EDARADD: variants seen among roughly 807,000 people sequenced by gnomAD.
EDARADD encodes EDAR associated via death domain, also known as ectodysplasin-A receptor-associated adapter protein.
Under a neutral mutation model 25.6 loss-of-function variants are expected in EDARADD, and 20 were observed. The ratio of observed to expected loss-of-function variants is 0.78; its 90% confidence interval spans 0.55 to 1.14. EDARADD has a LOEUF of 1.14. Among genes scored for constraint, EDARADD ranks in the 50% most tolerant of loss-of-function variants. The pLI is 0.00. For synonymous variants in EDARADD, 86 were observed against 94.4 expected, an observed-to-expected ratio of 0.91 and a Z score of 0.52; for missense variants, 225 against 270.1, an observed-to-expected ratio of 0.83 and a Z score of 1.17.
chr1:236,482,431 A>G lies in EDARADD; in HGVS notation c.430A>G (p.Ser144Gly). 6.2e-7 allele frequency: 1 copy of G among 1,614,214 alleles called. No individual in the cohort carries two copies. The highest frequency in any genetic ancestry group is 8.5e-7 in the Non-Finnish European group (1 of 1,180,042). Residue 144 changes from serine (S) to glycine (G), a missense_variant, in exon 6 of 6, where the codon AGC becomes GGC. Coordinates refer to ENST00000334232, the MANE Select transcript of EDARADD (RefSeq NM_145861.4). ...GGTGAAAAACTGGAGGAATTTTGCA[A>G]GCAAATGGGGGATGTCCTATGACGA... ...PTVKNWRNFA[S>G]KWGMSYDELC... is the part of the protein sequence containing the mutation.
chr1:236,458,936 C>A (rs1041881029), intron 4 of EDARADD, among the ~76,000 whole-genome samples: 3 of 151,996 alleles, frequency 2.0e-5, no homozygotes, highest in Non-Finnish European at 4.4e-5. Flanking sequence ...GCCACCGCCC[C>A]CAGCCGGTAT....
Position 236,395,452 on chromosome 1 carries a change from G to A in EDARADD, c.61+947G>A. 6.7e-7 allele frequency: 1 copy of A among 1,481,998 alleles called. No homozygotes were observed. The highest frequency in any genetic ancestry group is 8.9e-7 in the Non-Finnish European group (1 of 1,118,770). The allele number at this position is 1,481,998 out of a possible 1,614,324, so 91.8% of individuals were successfully genotyped here. A position where few individuals can be genotyped will look rare whatever the true frequency, so the allele number is the denominator to read the frequency against. On this transcript the variant is annotated intron_variant, in intron 1 of 5. Coordinates refer to ENST00000334232, the MANE Select transcript of EDARADD (RefSeq NM_145861.4). This position sits in a 1 kb window ranked among gnomAD's most constrained non-coding sequence, Gnocchi z 6.9. ...CAGGAAGTGAGCTCGTGGAAGAAGC[G>A]AAGGAGGAGAAGAAGAAGGGAGGGG...
chr1:236,423,426 A>T (rs1173065751), intron 3 of EDARADD, among the ~76,000 whole-genome samples: 1 of 152,118 alleles, frequency 6.6e-6, no homozygotes, highest in African/African-American at 2.4e-5. Context: ...TCTTTCCGTG[A>T]GCATTGTTGT....
chr1:236,409,764 A>T (rs1657393857), intron 2 of EDARADD, among the ~76,000 whole-genome samples: 1 of 149,284 alleles, frequency 6.7e-6, no homozygotes, highest in South Asian at 2.1e-4. Context: ...GGGTTTCACC[A>T]TGTTGGCCAG....
intron 4 of EDARADD, among the ~76,000 whole-genome samples, chr1:236,465,220 C>A (rs951113156): frequency 2.6e-5 from 4 of 152,218 alleles, no homozygotes; most frequent in Non-Finnish European, 5.9e-5. Flanking sequence ...GCGTCCTACA[C>A]TGTAGCCAGG....
chr1:236,475,125 C>G (rs1345666881), intron 5 of EDARADD, among the ~76,000 whole-genome samples: 2 of 151,920 alleles, frequency 1.3e-5, no homozygotes, highest in African/African-American at 2.4e-5. Context: ...AAGAGCGAGA[C>G]TCCGTCTCAA....
At chr1:236,461,928 G>T (rs1275761452) in intron 4 of EDARADD, among the ~76,000 whole-genome samples, 1 of 152,192 alleles carries the variant, frequency 6.6e-6, no homozygotes, top group Non-Finnish European at 1.5e-5. Context: ...GACCAGTGGG[G>T]GCTGTCAGAG....
chr1:236,452,486 G>A (rs1003854647), intron 4 of EDARADD, among the ~76,000 whole-genome samples: 4 of 143,310 alleles, frequency 2.8e-5, no homozygotes, highest in Non-Finnish European at 4.5e-5. Flanking sequence ...GTTTAAAAGT[G>A]TGTGGCCGAT....
rs1279452051 is a variant in EDARADD, at chr1:236,386,184, G to A, written c.-5-23032G>A. ...CCAACCTCGGCCTCCCGAGGTGCCG[G>A]GATTGCAGACGGAGTCTCGTTCACT... On this transcript the variant is annotated intron_variant, in intron 3 of 7. Coordinates refer to the EDARADD transcript ENST00000439430. Among the ~76,000 whole-genome samples the A allele has an allele frequency of 5.9e-5, 2 of 33,758 alleles. 1 individual carries two copies. The highest frequency in any genetic ancestry group is 1.7e-4 in the African/African-American group (2 of 12,040). 22.1% of individuals were successfully genotyped at this position (33,758 alleles called of 152,430 possible). A position where few individuals can be genotyped will look rare whatever the true frequency, so the allele number is the denominator to read the frequency against.
chr1:236,482,661 T>C lies in EDARADD; in HGVS notation c.*12T>C, dbSNP rs568663942. On this transcript the variant is annotated 3_prime_UTR_variant, in exon 6 of 6. Transcript: ENST00000334232. ...CCAGGCACTTCTAGAGCTCTTCTTC[T>C]TCCTTCATTGGCCTCTCCGGATGTT... The C allele has an allele frequency of 1.5e-4, 241 of 1,611,280 alleles. 1 individual carries two copies. Among genetic ancestry groups the C allele is most frequent in the Non-Finnish European group, 2.0e-4 (236 of 1,180,014 alleles).
Position 236,379,168 on chromosome 1 carries a change from G to A in EDARADD, c.-6+28329G>A, listed in dbSNP as rs145222381. On this transcript the variant is annotated intron_variant, in intron 3 of 7. Transcript: ENST00000439430. ...GAGGATCACCTGAGGTCAGGAGTTC[G>A]AGACCAGCCTGGCCAACATGGTGAA... Among the ~76,000 whole-genome samples the A allele has an allele frequency of 5.3e-3, 806 of 152,100 alleles. 9 individuals carry two copies. Among genetic ancestry groups the A allele is most frequent in the African/African-American group, 0.019 (773 of 41,490 alleles).
chr1:236,441,309 T>A (rs1385836880), intron 4 of EDARADD, among the ~76,000 whole-genome samples: 1 of 144,608 alleles, frequency 6.9e-6, no homozygotes. Flanking sequence ...ATGTCATATA[T>A]AAATATATAT....
At chr1:236,441,271 A>G (rs1469229803) in intron 4 of EDARADD, among the ~76,000 whole-genome samples, 1 of 145,096 alleles carries the variant, frequency 6.9e-6, no homozygotes, top group Non-Finnish European at 1.5e-5. Context: ...CTCTTTATTT[A>G]TATATATATA....
At chr1:236,455,314 A>G (rs1377467152) in intron 4 of EDARADD, among the ~76,000 whole-genome samples, 1 of 152,174 alleles carries the variant, frequency 6.6e-6, no homozygotes, top group Non-Finnish European at 1.5e-5. Flanking sequence ...TGCAGACCCG[A>G]AGTCATTACA....
At chr1:236,463,481 C>T (rs1014198047) in intron 4 of EDARADD, among the ~76,000 whole-genome samples, 15 of 152,062 alleles carry the variant, frequency 9.9e-5, no homozygotes, top group Non-Finnish European at 2.1e-4. Flanking sequence ...TTAGTAGATG[C>T]GGGGTTTCAC....
Position 236,468,212 on chromosome 1 carries a change from G to T in EDARADD, c.220-19G>T, listed in dbSNP as rs768595907. The T allele has an allele frequency of 2.5e-6, 4 of 1,611,638 alleles. No individual in the cohort carries two copies. The highest frequency in any genetic ancestry group is 1.7e-5 in the Admixed American group (1 of 59,990). On this transcript the variant is annotated intron_variant, in intron 4 of 5. Transcript: ENST00000334232. Reference sequence around the variant, plus strand: ...ACATTTGGATATGATTTTAATGAAGGTTGCTTTTTGGTTTTTAGGGAGAAG... The same window carrying T: ...ACATTTGGATATGATTTTAATGAAGTTTGCTTTTTGGTTTTTAGGGAGAAG...
At chr1:236,473,569 G>A (rs1659418912) in intron 5 of EDARADD, among the ~76,000 whole-genome samples, 1 of 152,152 alleles carries the variant, frequency 6.6e-6, no homozygotes, top group African/African-American at 2.4e-5. Flanking sequence ...CTTGAGTCCA[G>A]GAGTTCGAGA....
intron 4 of EDARADD, among the ~76,000 whole-genome samples, chr1:236,451,401 T>C (rs1658708325): frequency 6.6e-6 from 1 of 152,142 alleles, no homozygotes; most frequent in Non-Finnish European, 1.5e-5. Context: ...TTGTCTGTCA[T>C]CCAGTTCAAA....
chr1:236,409,728 A>T (rs1326047239), intron 2 of EDARADD, among the ~76,000 whole-genome samples: 4 of 141,358 alleles, frequency 2.8e-5, no homozygotes, highest in African/African-American at 7.8e-5. Flanking sequence ...TGCCTGGCTA[A>T]TTTTTTTTTT....
Sources: allele counts gnomAD v4.1 joint callset (sites outside exome capture counted in the v4.1 genomes callset), GRCh38; gene constraint gnomAD v4.1.1; non-coding constraint Gnocchi (gnomAD v3.1); transcripts MANE v1.5; gene names NCBI Gene and HGNC (gene_info 2026-07-23, HGNC 2026-07-21).